RGS5: variants seen among roughly 807,000 people sequenced by gnomAD.
RGS5 encodes the protein regulator of G protein signaling 5.
In RGS5, 20 loss-of-function variants were observed where a neutral mutation model predicts 18.9. The observed-to-expected ratio is 1.06, with a 90% CI of 0.74 to 1.54. RGS5 has a LOEUF of 1.54. Among genes scored for constraint, RGS5 ranks in the 40% most tolerant of loss-of-function variants. The pLI is 0.00. For synonymous variants in RGS5, 57 were observed against 76.2 expected, an observed-to-expected ratio of 0.75 and a Z score of 1.31; for missense variants, 201 against 211.8, an observed-to-expected ratio of 0.95 and a Z score of 0.32.
chr1:163,168,954 T>C (rs554122792), intron 1 of RGS5, among the ~76,000 whole-genome samples: 95 of 152,212 alleles, frequency 6.2e-4, no homozygotes, highest in East Asian at 1.7e-3. Flanking sequence ...GTTGGTGTGC[T>C]GCACCCATCA....
At chr1:163,253,217 C>T (rs1391116920) in intron 2 of RGS5, among the ~76,000 whole-genome samples, 1 of 152,178 alleles carries the variant, frequency 6.6e-6, no homozygotes, top group Non-Finnish European at 1.5e-5. Flanking sequence ...TCCGAGTACT[C>T]TGAAATCTAC....
chr1:163,320,935 C>A (rs1650183110), intron 1 of RGS5, among the ~76,000 whole-genome samples: 1 of 152,166 alleles, frequency 6.6e-6, no homozygotes, highest in South Asian at 2.1e-4. Context: ...ACACGACTGT[C>A]ACCAGATGAT....
chr1:163,263,478 T>A (rs981013975), intron 2 of RGS5, among the ~76,000 whole-genome samples: 1 of 152,162 alleles, frequency 6.6e-6, no homozygotes, highest in African/African-American at 2.4e-5. Context: ...TACCATTTGT[T>A]AACACCTGCC....
intron 1 of RGS5, among the ~76,000 whole-genome samples, chr1:163,180,921 C>T (rs985938165): frequency 6.6e-5 from 10 of 152,004 alleles, no homozygotes; most frequent in African/African-American, 2.4e-4. Flanking sequence ...GTCTCGATAT[C>T]CCGACCTCGT....
chr1:163,303,741 T>A (rs916124589), intron 2 of RGS5, among the ~76,000 whole-genome samples: 2 of 152,124 alleles, frequency 1.3e-5, no homozygotes, highest in African/African-American at 2.4e-5. Flanking sequence ...ACGAAGTGAG[T>A]GGCGGTGAGT....
chr1:163,237,029 C>T lies in RGS5; in HGVS notation c.-280-68661G>A, dbSNP rs907422637. On this transcript the variant is annotated intron_variant, in intron 2 of 5. Coordinates refer to the RGS5 transcript ENST00000618415. ...AACATCATTAGGTGTCAAAAAAAGG[C>T]ACATTGAAACCACAATGAGATGGTT... 3.3e-5 allele frequency among the ~76,000 whole-genome samples: 5 copies of T among 151,276 alleles called. No individual in the cohort carries two copies. In the East Asian group the frequency reaches 7.7e-4, roughly 23 times the overall value.
intron 1 of RGS5, among the ~76,000 whole-genome samples, chr1:163,169,412 G>A (rs1343393412): frequency 6.6e-6 from 1 of 152,124 alleles, no homozygotes; most frequent in Non-Finnish European, 1.5e-5. Context: ...GGTATTTCTA[G>A]TTCTAGATCC....
intron 1 of RGS5, among the ~76,000 whole-genome samples, chr1:163,309,554 A>G (rs910585318): frequency 8.5e-5 from 13 of 152,242 alleles, no homozygotes; most frequent in Admixed American, 7.8e-4. Context: ...GTTTTATTAT[A>G]ATATTGCAGC....
chr1:163,293,143 T>A (rs1249337538), intron 2 of RGS5, among the ~76,000 whole-genome samples: 1 of 152,242 alleles, frequency 6.6e-6, no homozygotes, highest in African/African-American at 2.4e-5. Context: ...GTTTTTATAG[T>A]TTGGAGTTTT....
chr1:163,169,667 A>C (rs1009906820), intron 1 of RGS5, among the ~76,000 whole-genome samples: 1 of 152,112 alleles, frequency 6.6e-6, no homozygotes, highest in African/African-American at 2.4e-5. Flanking sequence ...TCTTCTTTTG[A>C]GAAGTAAAAT....
At chr1:163,219,235 C>G (rs1463896472), upstream of RGS5, among the ~76,000 whole-genome samples, 36 of 152,128 alleles carry the variant, frequency 2.4e-4, no homozygotes, top group Admixed American at 2.4e-3. Flanking sequence ...AAGAGCACCC[C>G]AGAAGCCCTG....
intron 2 of RGS5, among the ~76,000 whole-genome samples, chr1:163,236,613 A>T (rs115349352): frequency 5.1e-4 from 77 of 152,226 alleles, no homozygotes; most frequent in African/African-American, 1.8e-3. Context: ...ACCGCCTACA[A>T]ACCAGCAATA....
chr1:163,266,540 T>G (rs556644255), intron 2 of RGS5: 4 of 152,270 alleles, frequency 2.6e-5, no homozygotes, highest in South Asian at 4.1e-4. Flanking sequence ...TTTGCCTCAA[T>G]GTTTTAATGC....
chr1:163,151,036 T>C (rs1344697393), intron 4 of RGS5, among the ~76,000 whole-genome samples: 1 of 152,094 alleles, frequency 6.6e-6, no homozygotes, highest in East Asian at 1.9e-4. Context: ...AAGAAACAAG[T>C]GAAATTAGAG....
At chr1:163,297,290 A>T (rs903407899) in intron 2 of RGS5, among the ~76,000 whole-genome samples, 1 of 152,132 alleles carries the variant, frequency 6.6e-6, no homozygotes, top group African/African-American at 2.4e-5. Flanking sequence ...CAATACAGAT[A>T]ATGCGTCAAG....
At chr1:163,187,624 T>G (rs1053997975) in intron 1 of RGS5, among the ~76,000 whole-genome samples, 4 of 152,130 alleles carry the variant, frequency 2.6e-5, no homozygotes, top group Non-Finnish European at 4.4e-5. Context: ...AGCTTCCGGA[T>G]AGCTGGACAC....
chr1:163,168,309 T>C lies in RGS5; in HGVS notation c.104A>G (p.Asp35Gly). 6.2e-7 allele frequency: 1 copy of C among 1,613,868 alleles called. No individual in the cohort carries two copies. The highest frequency in any genetic ancestry group is 8.5e-7 in the Non-Finnish European group (1 of 1,179,854). Residue 35 changes from aspartate (D) to glycine (G), a missense_variant, in exon 2 of 5, where the codon GAC (aspartate) becomes GGC (glycine). Coordinates refer to ENST00000313961, the MANE Select transcript of RGS5 (RefSeq NM_003617.4). ...CTTCTCATTGTACGGAATGACAAGG[T>C]CACCAACTGAGTCTGGCTTCTGGAG... ...ILLQKPDSVG[D>G]LVIPYNEKPE... is the part of the protein sequence containing the mutation.
chr1:163,319,916 C>T (rs1428684332), intron 1 of RGS5, among the ~76,000 whole-genome samples: 1 of 152,084 alleles, frequency 6.6e-6, no homozygotes, highest in Non-Finnish European at 1.5e-5. Flanking sequence ...CTTACACTGA[C>T]CAGTATCAGG....
chr1:163,291,861 T>C (rs1345464484), intron 2 of RGS5, among the ~76,000 whole-genome samples: 2 of 152,146 alleles, frequency 1.3e-5, no homozygotes, highest in South Asian at 4.1e-4. Context: ...GCCAGACTTG[T>C]GTTAATTAAA....
Sources: gnomAD v4.1 joint callset for allele counts (sites outside exome capture counted in the v4.1 genomes callset) on GRCh38, gnomAD v4.1.1 for gene constraint, MANE v1.5 for transcripts, NCBI Gene and HGNC (gene_info 2026-07-23, HGNC 2026-07-21) for gene names.